CDC40: variants seen among roughly 807,000 people sequenced by gnomAD.
CDC40 encodes cell division cycle 40, also known as pre-mRNA-processing factor 17.
CDC40 carries 27 observed loss-of-function variants against 80.6 expected under a neutral mutation model. The ratio of observed to expected loss-of-function variants is 0.33; its 90% CI spans 0.25 to 0.46. The LOEUF is 0.46. Ranked by LOEUF, CDC40 falls within the 20% of genes least tolerant of loss-of-function variation. The probability of loss-of-function intolerance (pLI) is 1.00; values close to 1 mark genes in which losing one functional copy is unlikely to be tolerated. For missense variants in CDC40, 486 were observed against 694.1 expected (o/e 0.70, Z 3.37); for synonymous variants, 221 against 232.6 (o/e 0.95, Z 0.45).
chr6:110,184,510 T>C (rs1334008367), intron 1 of CDC40, among the ~76,000 whole-genome samples: 3 of 152,154 alleles, frequency 2.0e-5, no homozygotes, highest in Non-Finnish European at 4.4e-5. Context: ...ATTTTTCATT[T>C]ATTTAACTTT....
chr6:110,199,579 G>C (rs1367008105), intron 2 of CDC40, among the ~76,000 whole-genome samples: 1 of 150,108 alleles, frequency 6.7e-6, no homozygotes, highest in Non-Finnish European at 1.5e-5. Flanking sequence ...GGGTGACAGA[G>C]GGAGACCCTG....
chr6:110,228,875 T>A lies in CDC40; in HGVS notation c.1461T>A (p.Ile487=), dbSNP rs756686675. The A allele has an allele frequency of 1.2e-6, 2 of 1,600,132 alleles. No homozygotes were observed. Among genetic ancestry groups the A allele is most frequent in the East Asian group, 4.5e-5 (2 of 44,086 alleles). ...ACQSMDNQIL[I]FGAQNRFRLN... ...AATCAATGGACAACCAAATCTTAAT[T>A]TTTGGAGCACAGAACAGATTTAGAT... Residue 487 remains isoleucine (I), a synonymous_variant, in exon 14 of 15, where the codon ATT becomes ATA. Coordinates refer to ENST00000307731, the MANE Select transcript of CDC40 (RefSeq NM_015891.3).
rs111642882 is a variant in CDC40 at position 110,213,293 on chromosome 6, C to T, written c.942+133C>T. On this transcript the variant is annotated intron_variant, in intron 8 of 14. Transcript: ENST00000307731. ...TATTTTCTCTTAGATCCTGTAAATG[C>T]AGCAATTTATGAACTACTTCCAAAC... 67 of 626,418 alleles carry T rather than the reference C, an allele frequency of 1.1e-4. 2 individuals carry two copies. Among genetic ancestry groups the T allele is most frequent in the African/African-American group, 9.7e-4 (53 of 54,516 alleles). 38.8% of individuals were successfully genotyped at this position (626,418 alleles called of 1,614,324 possible).
intron 3 of CDC40, among the ~76,000 whole-genome samples, 183 bp from the exon 4 acceptor site, chr6:110,207,314 CAAAAAAAAA>C (rs869177206): frequency 5.7e-5 from 3 of 52,526 alleles, no homozygotes; most frequent in Non-Finnish European, 8.9e-5. Flanking sequence ...GACCCTATCT[CAAAAAAAAA>C]AAAAAAAAAA....
At position 110,207,872 on chromosome 6, in the gene CDC40, C is replaced by T. The variant is rs561688151; in HGVS notation, c.490+283C>T. ...CACCATGCCAACCCTGTAGAAATCA[C>T]TCAATAAATTACAACTAATGTATAG... On this transcript the variant is annotated intron_variant, in intron 4 of 14. Transcript: ENST00000307731. Among the ~76,000 whole-genome samples the T allele has an allele frequency of 2.6e-5, 4 of 152,242 alleles. No homozygotes were observed. The South Asian group carries it at 8.3e-4, about 32-fold the overall frequency.
chr6:110,183,800 G>T (rs1777230712), intron 1 of CDC40, among the ~76,000 whole-genome samples: 1 of 152,106 alleles, frequency 6.6e-6, no homozygotes, highest in East Asian at 1.9e-4. Flanking sequence ...GCTGTTTCCT[G>T]CAGTTGAGTA....
intron 1 of CDC40, among the ~76,000 whole-genome samples, chr6:110,187,570 A>G (rs746361177): frequency 2.0e-5 from 3 of 152,096 alleles, no homozygotes; most frequent in African/African-American, 2.4e-5. Context: ...AAATTCTTCT[A>G]TTAGGAAGTT....
At position 110,217,928 on chromosome 6, in the gene CDC40, CA is replaced by C. The variant is rs1584079752; in HGVS notation, c.1090+126del. On this transcript the variant is annotated intron_variant, in intron 10 of 14. Coordinates refer to ENST00000307731, the MANE Select transcript of CDC40 (RefSeq NM_015891.3). ...TGCTGATTCTCATACCATTCACTGT[CA>C]GCAAATATCACAAAATACATTTGTA... is the stretch of plus-strand genomic sequence containing the variant. 1.2e-4 allele frequency: 65 copies of C among 542,904 alleles called. 1 individual carries two copies. The East Asian group carries it at 2.1e-3, about 18-fold the overall frequency. 33.6% of individuals were successfully genotyped at this position (542,904 alleles called of 1,614,324 possible).
chr6:110,210,687 T>C lies in CDC40; in HGVS notation c.631-20T>C. Reference sequence around the variant, plus strand: ...GGTTCTAGAACATTCATTTTAAATTTCACTCCTTAATTTTCTTAGGAAGAG... The same window carrying C: ...GGTTCTAGAACATTCATTTTAAATTCCACTCCTTAATTTTCTTAGGAAGAG... On this transcript the variant is annotated intron_variant, in intron 5 of 14. Coordinates refer to ENST00000307731, the MANE Select transcript of CDC40 (RefSeq NM_015891.3). 1.4e-6 allele frequency: 2 copies of C among 1,430,546 alleles called. No homozygotes were observed. Among genetic ancestry groups the C allele is most frequent in the Non-Finnish European group, 1.9e-6 (2 of 1,064,324 alleles). 88.6% of individuals were successfully genotyped at this position (1,430,546 alleles called of 1,614,324 possible). A position where few individuals can be genotyped will look rare whatever the true frequency, so the allele number is the denominator to read the frequency against.
intron 5 of CDC40, among the ~76,000 whole-genome samples, chr6:110,210,155 A>C (rs901791774): frequency 3.3e-5 from 5 of 152,042 alleles, no homozygotes; most frequent in South Asian, 2.1e-4. Context: ...GGTGTCACAG[A>C]AGGATAAGTT....
chr6:110,193,062 CAT>C, intron 1 of CDC40, 118 bp from the exon 2 acceptor site: 1 of 550,516 alleles, frequency 1.8e-6, no homozygotes, highest in Admixed American at 3.3e-5. Context: ...AATTATTAAT[CAT>C]ATGATAAGTT....
intron 4 of CDC40, 21 bp from the exon 5 acceptor site, chr6:110,209,063 A>ATTTTTTTTTTTTTTTTTTTTTT: frequency 8.0e-7 from 1 of 1,247,398 alleles, no homozygotes; most frequent in Non-Finnish European, 1.1e-6. Context: ...TTTTTTTTTA[A>ATTTTTTTTTTTTTTTTTTTTTT]TTTTTTTTTT....
At chr6:110,184,885 T>G (rs1777244276) in intron 1 of CDC40, among the ~76,000 whole-genome samples, 1 of 152,070 alleles carries the variant, frequency 6.6e-6, no homozygotes, top group South Asian at 2.1e-4. Context: ...CAAAGAGAAA[T>G]GGACAAATAT....
At chr6:110,204,674 T>G (rs1777539626) in intron 3 of CDC40, among the ~76,000 whole-genome samples, 1 of 149,498 alleles carries the variant, frequency 6.7e-6, no homozygotes, top group African/African-American at 2.5e-5. Context: ...TTTTTTTTTT[T>G]TTTTTTGAGA....
rs1420651731 is a variant in CDC40 at position 110,230,351 on chromosome 6, A to G, written c.*220A>G. 3 of 433,800 alleles carry G rather than the reference A, an allele frequency of 6.9e-6. No homozygotes were observed. The highest frequency in any genetic ancestry group is 2.1e-5 in the African/African-American group (1 of 48,180). The allele number at this position is 433,800 out of a possible 1,614,324, so 26.9% of individuals were successfully genotyped here. A position where few individuals can be genotyped will look rare whatever the true frequency, so the allele number is the denominator to read the frequency against. ...TACAGAAAGTGGCTATTGACTTTCT[A>G]TTTGACAAGTAGTTATAATTGGCAA... On this transcript the variant is annotated 3_prime_UTR_variant, in exon 15 of 15. Coordinates refer to ENST00000307731, the MANE Select transcript of CDC40 (RefSeq NM_015891.3).
chr6:110,230,061 T>C lies in CDC40; in HGVS notation c.1670T>C (p.Val557Ala). 1 of 1,612,026 alleles carries C rather than the reference T, an allele frequency of 6.2e-7. No homozygotes were observed. The highest frequency in any genetic ancestry group is 8.5e-7 in the Non-Finnish European group (1 of 1,178,210). The change falls in exon 15 of 15, where the codon GTG becomes GCG. Residue 557 changes from valine to alanine, a missense_variant. By Grantham distance (64) the Val-to-Ala change is moderately conservative (BLOSUM62 0). Around this residue, in one of 3 missense-constraint regions of CDC40, gnomAD observed 88 missense variants for 138.7 expected, o/e 0.63. Transcript: ENST00000307731. ...KAHDKVCIGA[V>A]WHPHETSKVI... ...CATGATAAAGTGTGTATAGGTGCAG[T>C]GTGGCATCCTCATGAAACTTCTAAG...
At chr6:110,219,960 T>C in intron 12 of CDC40, 91 bp downstream of exon 12, 2 of 1,342,246 alleles carry the variant, frequency 1.5e-6, no homozygotes, top group Admixed American at 2.3e-5. Context: ...TATGCAACCA[T>C]TTGAATATTT....
Position 110,219,812 on chromosome 6 carries a change from A to G in CDC40, c.1283A>G (p.Asp428Gly). ...LGAVNTIVFV[D>G]ENRRFVSTSD... The stretch of plus-strand genomic sequence containing the variant: ...GCTGTCAACACCATTGTTTTTGTGG[A>G]TGAGAATAGGAGATTTGTGAGCACA... Residue 428 changes from aspartate to glycine, a missense_variant, in exon 12 of 15, where the codon GAT becomes GGT. Transcript: ENST00000307731. 6.2e-7 allele frequency: 1 copy of G among 1,614,062 alleles called. No homozygotes were observed. The highest frequency in any genetic ancestry group is 8.5e-7 in the Non-Finnish European group (1 of 1,179,966).
intron 13 of CDC40, 61 bp from the exon 14 acceptor site, chr6:110,228,771 T>C: frequency 7.6e-7 from 1 of 1,318,164 alleles, no homozygotes; most frequent in Non-Finnish European, 1.0e-6. Context: ...ATATTTAAAA[T>C]AAAAAGTTTT....
Sources: gnomAD v4.1 joint callset for allele counts (sites outside exome capture counted in the v4.1 genomes callset) on GRCh38, gnomAD v4.1.1 for gene constraint, gnomAD v4.1.1 regional missense constraint, MANE v1.5 for transcripts, NCBI Gene and HGNC (gene_info 2026-07-23, HGNC 2026-07-21) for gene names.